The following DIP2B variants were observed in gnomAD, a reference collection of about 807,000 sequenced individuals.
DIP2B encodes the protein disco-interacting protein 2 homolog B.
DIP2B carries 76 observed loss-of-function variants against 198.0 expected under a neutral mutation model. That is an observed-to-expected ratio of 0.38 (90% CI 0.32 to 0.46). The LOEUF (loss-of-function observed/expected upper bound fraction) is 0.46, where lower values mean the gene tolerates loss of function less well. Among genes scored for constraint, DIP2B ranks in the 20% least tolerant of loss-of-function variants. The pLI is 0.99. For missense variants in DIP2B, 1,559 were observed against 1,978.4 expected, an observed-to-expected ratio of 0.79 and a Z score of 4.02; for synonymous variants, 701 against 739.1, an observed-to-expected ratio of 0.95 and a Z score of 0.84.
At chr12:50,556,558 C>CATT (rs111246286) in intron 1 of DIP2B, among the ~76,000 whole-genome samples, 3 of 146,222 alleles carry the variant, frequency 2.1e-5, no homozygotes, top group Admixed American at 2.1e-4. Flanking sequence ...TATTGTGAGA[C>CATT]TTTTTTTTTT....
At chr12:50,727,133 C>A (rs1369840653) in intron 28 of DIP2B, among the ~76,000 whole-genome samples, 2 of 152,102 alleles carry the variant, frequency 1.3e-5, no homozygotes, top group Non-Finnish European at 2.9e-5. Flanking sequence ...AAGAAAAAAT[C>A]TGCTAATTTA....
intron 3 of DIP2B, among the ~76,000 whole-genome samples, chr12:50,653,346 CTTTTTTTT>C (rs34185073): frequency 2.6e-5 from 2 of 76,636 alleles, no homozygotes; most frequent in Admixed American, 1.7e-4. Context: ...TTTTTCTTTT[CTTTTTTTT>C]TTTTTTTTTT....
At chr12:50,537,393 G>A (rs1235597366) in intron 1 of DIP2B, among the ~76,000 whole-genome samples, 3 of 152,204 alleles carry the variant, frequency 2.0e-5, no homozygotes, top group East Asian at 3.9e-4. Context: ...GGAATAGGTA[G>A]GGATTGAGTA....
At chr12:50,700,252 G>T (rs890628486) in intron 19 of DIP2B, among the ~76,000 whole-genome samples, 5 of 152,204 alleles carry the variant, frequency 3.3e-5, no homozygotes, top group Non-Finnish European at 7.3e-5. Context: ...AAGCCAGGTT[G>T]TAATGGAAAC....
chr12:50,550,749 G>A (rs77921900), intron 1 of DIP2B, among the ~76,000 whole-genome samples: 4 of 152,106 alleles, frequency 2.6e-5, no homozygotes, highest in African/African-American at 7.2e-5. Context: ...CAGATACTGC[G>A]GACATAAATC....
chr12:50,505,086 C>G lies in DIP2B; in HGVS notation c.-55C>G. 6.7e-7 allele frequency: 1 copy of G among 1,483,112 alleles called. No individual in the cohort carries two copies. Among genetic ancestry groups the G allele is most frequent in the Admixed American group, 2.0e-5 (1 of 50,242 alleles). 91.9% of individuals were successfully genotyped at this position (1,483,112 alleles called of 1,614,324 possible). A position where few individuals can be genotyped will look rare whatever the true frequency, so the allele number is the denominator to read the frequency against. On this transcript the variant is annotated 5_prime_UTR_variant, in exon 1 of 38. Coordinates refer to ENST00000301180, the MANE Select transcript of DIP2B (RefSeq NM_173602.3). The stretch of plus-strand genomic sequence containing the variant: ...AGCCGGGTGTGGGCCCGTGTCTGTC[C>G]GTCCCTCCTTCGGCCCCCTCTCTTG...
At chr12:50,733,455 A>G (rs966410535) in intron 32 of DIP2B, among the ~76,000 whole-genome samples, 1 of 152,136 alleles carries the variant, frequency 6.6e-6, no homozygotes, top group Non-Finnish European at 1.5e-5. Context: ...TGTGAGGCCA[A>G]GGCAGGAGGA....
At chr12:50,569,535 A>G (rs976798598) in intron 1 of DIP2B, among the ~76,000 whole-genome samples, 3 of 152,100 alleles carry the variant, frequency 2.0e-5, no homozygotes, top group African/African-American at 7.2e-5. Context: ...CTGCCTTGTC[A>G]CAGTTAATTC....
chr12:50,520,669 C>G (rs1219096502), intron 1 of DIP2B, among the ~76,000 whole-genome samples: 1 of 152,146 alleles, frequency 6.6e-6, no homozygotes, highest in East Asian at 1.9e-4. Context: ...AATGTTACCC[C>G]TATATCATAG....
chr12:50,640,758 C>A lies in DIP2B; in HGVS notation c.207C>A (p.Asn69Lys). ...TDSAVQKELR[N>K]QTPAPSAAQT... ...CAGCAGTACAGAAAGAACTTAGAAA[C>A]CAGACACCTGCTCCATCTGCAGCTC... Residue 69 changes from asparagine (N) to lysine (K), a missense_variant, in exon 3 of 38, where the codon AAC becomes AAA. By Grantham distance (94) the Asn-to-Lys change is moderately conservative. Coordinates refer to ENST00000301180, the MANE Select transcript of DIP2B (RefSeq NM_173602.3). The A allele has an allele frequency of 6.2e-7, 1 of 1,613,850 alleles. No homozygotes were observed.
intron 17 of DIP2B, 22 bp downstream of exon 17, chr12:50,697,197 G>A (rs1403839341): frequency 6.2e-7 from 1 of 1,600,402 alleles, no homozygotes; most frequent in Non-Finnish European, 8.6e-7. Context: ...GATGTCAGAT[G>A]CTCTTGATGT....
intron 1 of DIP2B, among the ~76,000 whole-genome samples, chr12:50,575,592 C>T (rs1027947005): frequency 3.9e-5 from 6 of 152,122 alleles, no homozygotes; most frequent in Non-Finnish European, 8.8e-5. Context: ...TTGCTGTTTT[C>T]GCCCAGGCTA....
rs1418985711 is a variant in DIP2B, at chr12:50,704,229, T to C, written c.2406+9T>C. On this transcript the variant is annotated intron_variant, in intron 20 of 37. Coordinates refer to ENST00000301180, the MANE Select transcript of DIP2B (RefSeq NM_173602.3). ...TGGGGTTTGTAGGGCCGGTAAGTGA[T>C]GCTTTCATGTTGATTTTGTTACATT... 1 of 1,606,590 alleles carries C rather than the reference T, an allele frequency of 6.2e-7. No individual in the cohort carries two copies. Among genetic ancestry groups the C allele is most frequent in the South Asian group, 1.1e-5 (1 of 89,092 alleles).
At chr12:50,644,487 G>A (rs1171214708) in intron 3 of DIP2B, among the ~76,000 whole-genome samples, 1 of 152,200 alleles carries the variant, frequency 6.6e-6, no homozygotes, top group African/African-American at 2.4e-5. Context: ...ACATGCTTCT[G>A]GGAGAGATGT....
At chr12:50,530,610 G>T (rs1958208772) in intron 1 of DIP2B, among the ~76,000 whole-genome samples, 1 of 152,202 alleles carries the variant, frequency 6.6e-6, no homozygotes, top group Admixed American at 6.5e-5. Context: ...AGGGCAGGAA[G>T]ACTTACAGGA....
At chr12:50,552,708 G>T (rs549298169) in intron 1 of DIP2B, among the ~76,000 whole-genome samples, 4 of 151,804 alleles carry the variant, frequency 2.6e-5, no homozygotes, top group Non-Finnish European at 4.4e-5. Context: ...TCCTTTTGGC[G>T]TCATATCCAA....
intron 19 of DIP2B, among the ~76,000 whole-genome samples, chr12:50,700,819 A>G (rs1939404207): frequency 6.6e-6 from 1 of 152,214 alleles, no homozygotes; most frequent in Non-Finnish European, 1.5e-5. Flanking sequence ...TTCCTAGGTG[A>G]TTGATTTACC....
At chr12:50,669,361 T>C (rs1416728871) in intron 4 of DIP2B, among the ~76,000 whole-genome samples, 1 of 152,132 alleles carries the variant, frequency 6.6e-6, no homozygotes, top group Non-Finnish European at 1.5e-5. Flanking sequence ...CAATATGAAA[T>C]AATAAGTTGG....
intron 12 of DIP2B, among the ~76,000 whole-genome samples, chr12:50,688,071 G>C (rs772631280): frequency 1.3e-5 from 2 of 151,922 alleles, no homozygotes; most frequent in Non-Finnish European, 2.9e-5. Flanking sequence ...AATTAGCTGG[G>C]CATGATGATG....
Sources: gnomAD v4.1 joint callset for allele counts (sites outside exome capture counted in the v4.1 genomes callset) on GRCh38, gnomAD v4.1.1 for gene constraint, MANE v1.5 for transcripts, NCBI Gene and HGNC (gene_info 2026-07-23, HGNC 2026-07-21) for gene names.